The following PTPRN2 variants were observed in gnomAD, a reference collection of about 807,000 sequenced individuals.
PTPRN2 encodes the protein receptor-type tyrosine-protein phosphatase N2.
Under a neutral mutation model 118.8 loss-of-function variants are expected in PTPRN2, and 74 were observed. The ratio of observed to expected loss-of-function variants is 0.62; its 90% CI spans 0.52 to 0.76. The LOEUF (loss-of-function observed/expected upper bound fraction) is 0.76. PTPRN2 is among the 30% of genes least tolerant of loss of function. The probability of loss-of-function intolerance (pLI) is 0.00; values close to 1 mark genes in which losing one functional copy is unlikely to be tolerated. For synonymous variants in PTPRN2, 641 were observed against 608.0 expected, an observed-to-expected ratio of 1.05 and a Z score of -0.80; for missense variants, 1,481 against 1,394.4, an observed-to-expected ratio of 1.06 and a Z score of -0.99.
At chr7:158,269,940 A>G (rs1798197760) in intron 3 of PTPRN2, among the ~76,000 whole-genome samples, 1 of 152,154 alleles carries the variant, frequency 6.6e-6, no homozygotes, top group Non-Finnish European at 1.5e-5. Context: ...AGATAGAGAG[A>G]CACAGGGAGA....
At chr7:158,317,012 AT>A in intron 2 of PTPRN2, 80 bp from the exon 3 acceptor site, 1 of 1,054,782 alleles carries the variant, frequency 9.5e-7, no homozygotes, top group South Asian at 1.6e-5. Context: ...CGTCCTTGCA[AT>A]GCGTTCTGAT....
intron 1 of PTPRN2, among the ~76,000 whole-genome samples, chr7:158,530,964 G>A (rs542493772): frequency 3.9e-4 from 59 of 152,272 alleles, no homozygotes; most frequent in Middle Eastern, 3.4e-3. Flanking sequence ...GCATGTGTAC[G>A]GATGTATCTG....
chr7:158,571,614 G>C (rs1413334500), intron 1 of PTPRN2, among the ~76,000 whole-genome samples: 1 of 148,580 alleles, frequency 6.7e-6, no homozygotes, highest in Non-Finnish European at 1.5e-5. Context: ...AGTACACTTG[G>C]AAGAGGGTCA....
chr7:158,412,065 C>T (rs1488453389), intron 2 of PTPRN2, among the ~76,000 whole-genome samples: 1 of 148,436 alleles, frequency 6.7e-6, no homozygotes, highest in Non-Finnish European at 1.5e-5. Context: ...AGCACCAGGG[C>T]CCATCCAGCA....
chr7:157,712,713 T>C (rs1798707181), intron 12 of PTPRN2, among the ~76,000 whole-genome samples: 1 of 137,334 alleles, frequency 7.3e-6, no homozygotes, highest in Non-Finnish European at 1.5e-5. Flanking sequence ...ATTGCGCCAT[T>C]GCACTCCAGC....
At chr7:158,337,059 C>T (rs1805727542) in intron 2 of PTPRN2, among the ~76,000 whole-genome samples, 1 of 139,090 alleles carries the variant, frequency 7.2e-6, no homozygotes, top group African/African-American at 2.6e-5. Context: ...ACACTGTCAC[C>T]ATAAGAGCTG....
intron 9 of PTPRN2, among the ~76,000 whole-genome samples, chr7:158,120,488 T>C (rs1384314600): frequency 6.6e-6 from 1 of 152,192 alleles, no homozygotes; most frequent in African/African-American, 2.4e-5. Context: ...ACACTCCTTG[T>C]GGCTCACGGA....
At chr7:157,608,495 G>A (rs10261479) in intron 15 of PTPRN2, among the ~76,000 whole-genome samples, 36,387 of 152,072 alleles carry the variant, frequency 0.24, 5,436 homozygotes, top group East Asian at 0.44. Context: ...TGCAGGGGGC[G>A]GCAACCGTTC....
intron 1 of PTPRN2, among the ~76,000 whole-genome samples, chr7:158,510,292 C>T (rs2129446972): frequency 6.6e-6 from 1 of 152,304 alleles, no homozygotes; most frequent in African/African-American, 2.4e-5. Context: ...ACTTAGAAGC[C>T]CAGGGTGCTC....
chr7:158,193,028 G>A (rs948988200), intron 4 of PTPRN2, among the ~76,000 whole-genome samples: 26 of 152,234 alleles, frequency 1.7e-4, no homozygotes, highest in Non-Finnish European at 3.4e-4. Context: ...ACAGCCTCGG[G>A]ACGTCCATGC....
chr7:158,280,453 C>T (rs1056041170), intron 3 of PTPRN2, among the ~76,000 whole-genome samples: 3 of 152,220 alleles, frequency 2.0e-5, no homozygotes, highest in Admixed American at 1.3e-4. Flanking sequence ...ATCATCTCTA[C>T]TCTGACGGCT....
rs542545453 is a variant in PTPRN2, at chr7:158,565,773, C to T, written c.112+21785G>A. Among the ~76,000 whole-genome samples, 42 of 152,280 alleles carry T rather than the reference C, an allele frequency of 2.8e-4. No individual in the cohort carries two copies. Among genetic ancestry groups the T allele is most frequent in the African/African-American group, 9.1e-4 (38 of 41,562 alleles). ...GGCAGGCACTGTTCCCGTAGTTACCCGCACGTCTAGAGACTGTCCCACATC... is the reference window on the plus strand; with the variant it reads ...GGCAGGCACTGTTCCCGTAGTTACCTGCACGTCTAGAGACTGTCCCACATC... On this transcript the variant is annotated intron_variant, in intron 1 of 22. Coordinates refer to ENST00000389418, the MANE Select transcript of PTPRN2 (RefSeq NM_002847.5). This position sits in a 1 kb window ranked among gnomAD's most constrained non-coding sequence, Gnocchi z 4.6.
Position 157,904,000 on chromosome 7 carries a change from G to T in PTPRN2, c.1724-5263C>A, listed in dbSNP as rs961736909. Among the ~76,000 whole-genome samples the T allele has an allele frequency of 1.3e-5, 2 of 152,084 alleles. No homozygotes were observed. Among genetic ancestry groups the T allele is most frequent in the Non-Finnish European group, 2.9e-5 (2 of 68,028 alleles). On this transcript the variant is annotated intron_variant, in intron 11 of 22. Coordinates refer to ENST00000389418, the MANE Select transcript of PTPRN2 (RefSeq NM_002847.5). This position sits in a 1 kb window ranked among gnomAD's most constrained non-coding sequence, Gnocchi z 4.2. ...CTGTTTTGCTGCATGTCTCATGGCC[G>T]GGCCACTGTCACTTCCTAAGGAGAA...
At chr7:157,684,914 G>A (rs1478172933) in intron 12 of PTPRN2, among the ~76,000 whole-genome samples, 1 of 152,056 alleles carries the variant, frequency 6.6e-6, no homozygotes, top group Admixed American at 6.5e-5. Context: ...AGGAGCGGCC[G>A]CGACCCCGGA....
intron 11 of PTPRN2, among the ~76,000 whole-genome samples, chr7:157,934,436 G>C (rs531226779): frequency 4.3e-4 from 66 of 152,222 alleles, no homozygotes; most frequent in Admixed American, 9.2e-4. Context: ...GGAGCAGAGA[G>C]AGGGAAAGAA....
intron 9 of PTPRN2, among the ~76,000 whole-genome samples, chr7:158,129,440 C>T (rs1368430039): frequency 2.0e-5 from 3 of 150,452 alleles, no homozygotes; most frequent in Non-Finnish European, 4.4e-5. Flanking sequence ...CAGCATACTA[C>T]ATACCACACA....
At chr7:158,485,847 T>C (rs1820979588) in intron 2 of PTPRN2, among the ~76,000 whole-genome samples, 1 of 152,230 alleles carries the variant, frequency 6.6e-6, no homozygotes, top group African/African-American at 2.4e-5. Context: ...TTTTCTGCTA[T>C]CCACATTTTC....
chr7:157,925,615 C>T (rs1798935034), intron 11 of PTPRN2, among the ~76,000 whole-genome samples: 1 of 152,144 alleles, frequency 6.6e-6, no homozygotes, highest in Non-Finnish European at 1.5e-5. Flanking sequence ...GTGGAAACCG[C>T]ATGGGGCCAC....
intron 1 of PTPRN2, among the ~76,000 whole-genome samples, chr7:158,493,855 ATG>A (rs2129445701): frequency 6.6e-6 from 1 of 151,966 alleles, no homozygotes; most frequent in Admixed American, 6.5e-5. Context: ...ACACTCATAC[ATG>A]TGAGCATACA....
Sources: allele counts gnomAD v4.1 joint callset (sites outside exome capture counted in the v4.1 genomes callset), GRCh38; gene constraint gnomAD v4.1.1; non-coding constraint Gnocchi (gnomAD v3.1); transcripts MANE v1.5; gene names NCBI Gene and HGNC (gene_info 2026-07-23, HGNC 2026-07-21).